LRRC4C: variants seen among roughly 807,000 people sequenced by gnomAD.
LRRC4C encodes the protein leucine rich repeat containing 4C, also known as leucine-rich repeat-containing protein 4C.
In LRRC4C, 5 loss-of-function variants were observed where a neutral mutation model predicts 33.6. The ratio of observed to expected loss-of-function variants is 0.15; its 90% CI spans 0.08 to 0.31. The LOEUF (loss-of-function observed/expected upper bound fraction) is 0.31. Among genes scored for constraint, LRRC4C ranks in the 10% least tolerant of loss-of-function variants. LRRC4C has a pLI of 1.00. For missense variants in LRRC4C, 560 were observed against 796.7 expected, an observed-to-expected ratio of 0.70 and a Z score of 3.58; for synonymous variants, 329 against 302.0, an observed-to-expected ratio of 1.09 and a Z score of -0.93.
At chr11:40,938,382 C>G (rs1957999283) in intron 1 of LRRC4C, among the ~76,000 whole-genome samples, 1 of 152,074 alleles carries the variant, frequency 6.6e-6, no homozygotes, top group Non-Finnish European at 1.5e-5. Flanking sequence ...TACTGAGGAA[C>G]AGCTATAAAA....
chr11:41,166,413 AACGAC>A (rs1335237413), intron 1 of LRRC4C, among the ~76,000 whole-genome samples: 3 of 152,328 alleles, frequency 2.0e-5, no homozygotes. Flanking sequence ...GTGACCACAG[AACGAC>A]ATATAGTCAG....
At chr11:41,013,850 G>T (rs1040753720) in intron 1 of LRRC4C, among the ~76,000 whole-genome samples, 1 of 152,194 alleles carries the variant, frequency 6.6e-6, no homozygotes, top group Admixed American at 6.5e-5. Context: ...TTACACTCAT[G>T]TTGGAAGGTG....
chr11:40,398,740 T>C (rs1342851449), intron 3 of LRRC4C, among the ~76,000 whole-genome samples: 1 of 152,088 alleles, frequency 6.6e-6, no homozygotes, highest in Non-Finnish European at 1.5e-5. Flanking sequence ...ATCTGGGTCC[T>C]GGGTTCTAGA....
At chr11:40,735,500 G>A (rs11821965) in intron 2 of LRRC4C, among the ~76,000 whole-genome samples, 93,494 of 143,438 alleles carry the variant, frequency 0.65, 31,335 homozygotes, top group Middle Eastern at 0.71. Context: ...CTCATTTTTT[G>A]TGGCTGCATA....
chr11:40,212,994 A>G (rs946104740), intron 5 of LRRC4C, among the ~76,000 whole-genome samples: 1 of 152,192 alleles, frequency 6.6e-6, no homozygotes, highest in Admixed American at 6.5e-5. Context: ...TTAAATATCA[A>G]GGTATAGGCC....
intron 2 of LRRC4C, among the ~76,000 whole-genome samples, chr11:40,805,697 A>G (rs1951216016): frequency 6.6e-6 from 1 of 152,060 alleles, no homozygotes; most frequent in African/African-American, 2.4e-5. Context: ...TTCTTATATT[A>G]ACTGCACAAA....
At chr11:40,657,508 G>C (rs11035998) in intron 2 of LRRC4C, among the ~76,000 whole-genome samples, 29,052 of 152,060 alleles carry the variant, frequency 0.19, 3,238 homozygotes, top group East Asian at 0.47. Flanking sequence ...TTATCTCTCT[G>C]CTCACTAAGA....
chr11:40,337,657 T>C (rs377570932), intron 3 of LRRC4C, among the ~76,000 whole-genome samples: 6 of 152,228 alleles, frequency 3.9e-5, no homozygotes, highest in African/African-American at 1.2e-4. Flanking sequence ...CCAGAAGCGC[T>C]TGGGTTTGAC....
chr11:40,409,576 G>A (rs1159883400), intron 3 of LRRC4C, among the ~76,000 whole-genome samples: 1 of 151,976 alleles, frequency 6.6e-6, no homozygotes, highest in Non-Finnish European at 1.5e-5. Context: ...GATTAAAAAT[G>A]GACAAAGGAC....
At chr11:41,282,903 G>A (rs1433898603) in intron 1 of LRRC4C, among the ~76,000 whole-genome samples, 1 of 152,062 alleles carries the variant, frequency 6.6e-6, no homozygotes, top group Non-Finnish European at 1.5e-5. Flanking sequence ...CAAGGAAACT[G>A]GTATTCTTTT....
intron 1 of LRRC4C, among the ~76,000 whole-genome samples, chr11:41,100,713 A>G (rs1941120102): frequency 6.6e-6 from 1 of 152,192 alleles, no homozygotes. Flanking sequence ...CGTGGAACCA[A>G]AAAGGAGCAT....
chr11:40,547,392 C>T (rs1405316882), intron 3 of LRRC4C, among the ~76,000 whole-genome samples: 1 of 152,024 alleles, frequency 6.6e-6, no homozygotes, highest in African/African-American at 2.4e-5. Flanking sequence ...CCTCCTATTG[C>T]TAAGTGAATC....
At chr11:41,076,551 C>T (rs7113435) in intron 1 of LRRC4C, among the ~76,000 whole-genome samples, 10,095 of 152,196 alleles carry the variant, frequency 0.066, 396 homozygotes, top group Non-Finnish European at 0.095. Context: ...TCTCAATTAT[C>T]GCAAGAACAG....
At chr11:40,755,884 T>C (rs1033083803) in intron 2 of LRRC4C, among the ~76,000 whole-genome samples, 6 of 152,112 alleles carry the variant, frequency 3.9e-5, no homozygotes, top group Non-Finnish European at 8.8e-5. Context: ...CTGCAATTCA[T>C]CTGTTTTAGT....
At chr11:40,273,975 G>A (rs966691889) in intron 4 of LRRC4C, among the ~76,000 whole-genome samples, 5 of 152,048 alleles carry the variant, frequency 3.3e-5, no homozygotes, top group African/African-American at 9.7e-5. Context: ...GGGCAGGTGG[G>A]CAGTGGCTAT....
chr11:41,367,797 C>A (rs2956779), intron 1 of LRRC4C, among the ~76,000 whole-genome samples: 94,489 of 151,824 alleles, frequency 0.62, 30,227 homozygotes, highest in East Asian at 0.79. Context: ...AAGAGCATCC[C>A]AAGGCCTCCC....
chr11:41,410,609 T>G (rs1384132474), intron 1 of LRRC4C, among the ~76,000 whole-genome samples: 4 of 151,734 alleles, frequency 2.6e-5, no homozygotes, highest in Non-Finnish European at 5.9e-5. Context: ...CCCAGCTAAT[T>G]TTTTGTATTT....
At chr11:41,010,490 T>C (rs1275918039) in intron 1 of LRRC4C, among the ~76,000 whole-genome samples, 1 of 152,124 alleles carries the variant, frequency 6.6e-6, no homozygotes, top group African/African-American at 2.4e-5. Flanking sequence ...GCAAAGCCCT[T>C]GGATAATTTT....
chr11:40,685,627 T>C lies in LRRC4C; in HGVS notation c.-406-37349A>G, dbSNP rs578141512. Among the ~76,000 whole-genome samples the C allele has an allele frequency of 1.5e-4, 23 of 151,990 alleles. 1 individual carries two copies. The South Asian group carries it at 3.9e-3, about 26-fold the overall frequency. On this transcript the variant is annotated intron_variant, in intron 2 of 6. Coordinates refer to ENST00000528697, the MANE Select transcript of LRRC4C (RefSeq NM_001258419.2). ...GGAAAATAGAATTCGAGGACACACTTACACAAAAGTGAATAGTTAATGAGG... is the reference window on the plus strand; with the variant it reads ...GGAAAATAGAATTCGAGGACACACTCACACAAAAGTGAATAGTTAATGAGG...
Sources: gnomAD v4.1 joint callset for allele counts (sites outside exome capture counted in the v4.1 genomes callset) on GRCh38, gnomAD v4.1.1 for gene constraint, MANE v1.5 for transcripts, NCBI Gene and HGNC (gene_info 2026-07-23, HGNC 2026-07-21) for gene names.